MYO1D: variants seen among roughly 807,000 people sequenced by gnomAD.
The protein encoded by MYO1D is unconventional myosin-Id.
A neutral mutation model predicts 122.0 loss-of-function variants in MYO1D; 83 were observed. The ratio of observed to expected loss-of-function variants is 0.68; its 90% confidence interval spans 0.57 to 0.82. MYO1D has a LOEUF of 0.82. MYO1D is among the 40% of genes least tolerant of loss of function. MYO1D has a pLI of 0.00. For synonymous variants in MYO1D, 464 were observed against 446.9 expected (o/e 1.04, Z -0.48); for missense variants, 1,157 against 1,269.5 (o/e 0.91, Z 1.35).
intron 2 of MYO1D, 149 bp from the exon 3 acceptor site, chr17:32,778,722 T>C: frequency 1.5e-6 from 1 of 686,700 alleles, no homozygotes; most frequent in South Asian, 2.1e-5. Context: ...TTTTGAGTTA[T>C]TTCGTCCTGC....
In MYO1D at chr17:32,753,963, G is replaced by A. The variant is rs552786042; in HGVS notation, c.1467+1529C>T. Among the ~76,000 whole-genome samples, 307 of 152,052 alleles carry A rather than the reference G, an allele frequency of 2.0e-3. 3 individuals carry two copies. Among genetic ancestry groups the A allele is most frequent in the African/African-American group, 7.2e-3 (300 of 41,476 alleles). ...TATTTGGTTGACACATTTAATTCAG[G>A]TATATAAATGGCCAAGGTAGAAGAT... On this transcript the variant is annotated intron_variant, in intron 11 of 21. Transcript: ENST00000318217.
chr17:32,728,326 C>T (rs1342464733), intron 14 of MYO1D, among the ~76,000 whole-genome samples: 2 of 151,990 alleles, frequency 1.3e-5, no homozygotes, highest in Admixed American at 1.3e-4. Flanking sequence ...CTGCCTCAGC[C>T]TCCCGAACAG....
chr17:32,562,423 C>T (rs994327705), intron 21 of MYO1D, among the ~76,000 whole-genome samples: 2 of 151,638 alleles, frequency 1.3e-5, no homozygotes, highest in African/African-American at 4.9e-5. Flanking sequence ...ATTTATGGAT[C>T]TTTACATATA....
chr17:32,544,763 T>C (rs924495017), intron 21 of MYO1D, among the ~76,000 whole-genome samples: 3 of 152,154 alleles, frequency 2.0e-5, no homozygotes, highest in Non-Finnish European at 4.4e-5. Context: ...TTATTTTTAT[T>C]AAAAGAGAAA....
At chr17:32,822,644 C>T (rs1477625799) in intron 1 of MYO1D, among the ~76,000 whole-genome samples, 2 of 149,078 alleles carry the variant, frequency 1.3e-5, no homozygotes, top group Non-Finnish European at 3.0e-5. Context: ...GGGGGGTGGC[C>T]GCGCGGGCCC....
At chr17:32,513,499 G>T (rs889192907) in intron 21 of MYO1D, among the ~76,000 whole-genome samples, 1 of 152,144 alleles carries the variant, frequency 6.6e-6, no homozygotes, top group East Asian at 1.9e-4. Context: ...GGATGCAAAG[G>T]GTTTCACTAT....
intron 1 of MYO1D, among the ~76,000 whole-genome samples, chr17:32,836,572 T>C (rs971870177): frequency 6.6e-6 from 1 of 152,200 alleles, no homozygotes; most frequent in Non-Finnish European, 1.5e-5. Context: ...AATCATTTAG[T>C]ATGTACTCTT....
intron 19 of MYO1D, among the ~76,000 whole-genome samples, chr17:32,645,430 C>T (rs967404393): frequency 6.6e-6 from 1 of 152,054 alleles, no homozygotes; most frequent in African/African-American, 2.4e-5. Flanking sequence ...TCTGTATTTC[C>T]TGAATTTGAA....
intron 21 of MYO1D, among the ~76,000 whole-genome samples, chr17:32,540,834 G>C (rs1910816579): frequency 6.6e-6 from 1 of 150,870 alleles, no homozygotes; most frequent in Non-Finnish European, 1.5e-5. Flanking sequence ...GCTGAGGCAG[G>C]AGAATTGCTT....
intron 1 of MYO1D, among the ~76,000 whole-genome samples, chr17:32,842,886 C>CTTTTT (rs34927176): frequency 2.1e-3 from 219 of 104,432 alleles, no homozygotes; most frequent in Middle Eastern, 5.9e-3. Flanking sequence ...CTATTTCTTT[C>CTTTTT]TTTTTTTTTT....
intron 21 of MYO1D, among the ~76,000 whole-genome samples, chr17:32,564,980 C>T (rs114151563): frequency 2.0e-5 from 3 of 152,202 alleles, no homozygotes; most frequent in African/African-American, 7.2e-5. Flanking sequence ...AACTAGACAT[C>T]ATTTCATTAT....
chr17:32,507,892 CTTTTTTT>C, intron 21 of MYO1D, among the ~76,000 whole-genome samples: 1 of 109,312 alleles, frequency 9.1e-6, no homozygotes, highest in Non-Finnish European at 1.8e-5. Flanking sequence ...CCATGCTGGA[CTTTTTTT>C]TTTTTTTTTT....
intron 1 of MYO1D, among the ~76,000 whole-genome samples, chr17:32,865,266 G>A (rs1216535897): frequency 6.6e-6 from 1 of 152,196 alleles, no homozygotes; most frequent in Middle Eastern, 3.2e-3. Flanking sequence ...AACCATTTGG[G>A]ATAACCCGGC....
Position 32,582,916 on chromosome 17 carries a change from T to G in MYO1D, c.2864+22171A>C, listed in dbSNP as rs1440133592. Among the ~76,000 whole-genome samples the G allele has an allele frequency of 4.9e-4, 75 of 152,346 alleles. 1 individual carries two copies. Among genetic ancestry groups the G allele is most frequent in the Admixed American group, 4.9e-3 (75 of 15,308 alleles). On this transcript the variant is annotated intron_variant, in intron 21 of 21. Coordinates refer to ENST00000318217, the MANE Select transcript of MYO1D (RefSeq NM_015194.3). ...TATTTTTAAAACAGATAATTGTTTT[T>G]TAAAAAGATTTAATCAACAAGGAAA...
intron 13 of MYO1D, among the ~76,000 whole-genome samples, chr17:32,741,108 C>G (rs1462766547): frequency 6.6e-6 from 1 of 151,690 alleles, no homozygotes; most frequent in Non-Finnish European, 1.5e-5. Flanking sequence ...CATGCCTGTA[C>G]CCCCAGTTAC....
intron 17 of MYO1D, among the ~76,000 whole-genome samples, chr17:32,657,311 T>G (rs552904960): frequency 2.0e-5 from 3 of 152,370 alleles, no homozygotes; most frequent in African/African-American, 7.2e-5. Flanking sequence ...AAATTCCTGA[T>G]AGTGCCTAGA....
At chr17:32,556,194 A>T (rs909642860) in intron 21 of MYO1D, among the ~76,000 whole-genome samples, 6 of 152,108 alleles carry the variant, frequency 3.9e-5, no homozygotes, top group African/African-American at 1.4e-4. Flanking sequence ...AAGCCTTTCT[A>T]TGTGCTGCCA....
intron 1 of MYO1D, among the ~76,000 whole-genome samples, chr17:32,875,566 T>C (rs555767654): frequency 1.0e-3 from 154 of 152,334 alleles, no homozygotes; most frequent in Non-Finnish European, 1.4e-3. Flanking sequence ...TAATGGGTAT[T>C]GGTTATAGCT....
At chr17:32,550,813 T>C (rs909802062) in intron 21 of MYO1D, among the ~76,000 whole-genome samples, 2 of 152,038 alleles carry the variant, frequency 1.3e-5, no homozygotes, top group African/African-American at 4.8e-5. Flanking sequence ...CTGGGTAATG[T>C]AGTGAGATGC....
Sources: allele counts gnomAD v4.1 joint callset (sites outside exome capture counted in the v4.1 genomes callset), GRCh38; gene constraint gnomAD v4.1.1; transcripts MANE v1.5; gene names NCBI Gene and HGNC (gene_info 2026-07-23, HGNC 2026-07-21).